ATAD5: variants seen among roughly 807,000 people sequenced by gnomAD.
ATAD5 encodes the protein ATPase family AAA domain containing 5, also known as ATPase family AAA domain-containing protein 5.
ATAD5 carries 58 observed loss-of-function variants against 176.9 expected under a neutral mutation model. The ratio of observed to expected loss-of-function variants is 0.33; its 90% CI spans 0.27 to 0.41. ATAD5 has a LOEUF of 0.41. Ranked by LOEUF, ATAD5 falls within the 10% of genes least tolerant of loss-of-function variation. The pLI, the probability that ATAD5 is intolerant of heterozygous loss-of-function variation, is 1.00. For synonymous variants in ATAD5, 640 were observed against 712.6 expected (o/e 0.90, Z 1.62); for missense variants, 1,789 against 2,094.1 (o/e 0.85, Z 2.84).
At chr17:30,840,596 A>C (rs1291907254) in intron 3 of ATAD5, 21 bp from the exon 4 acceptor site, 2 of 1,426,048 alleles carry the variant, frequency 1.4e-6, no homozygotes, top group Admixed American at 2.4e-5. Context: ...ATGTAAATTA[A>C]TGTTTCAATT....
Position 30,878,107 on chromosome 17 carries a change from A to G in ATAD5, c.4012+11A>G, listed in dbSNP as rs759495522. On this transcript the variant is annotated intron_variant, in intron 17 of 22. Transcript: ENST00000321990. The stretch of plus-strand genomic sequence containing the variant: ...TCCTTACTACAAGTGGTAGGTAACA[A>G]TGATTTTACTTCAGTTAAACAGTTA... 4.5e-6 allele frequency: 7 copies of G among 1,567,344 alleles called. No individual in the cohort carries two copies. In the African/African-American group the frequency reaches 5.4e-5, roughly 12 times the overall value.
chr17:30,879,411 G>C lies in ATAD5; in HGVS notation c.4013-12G>C. 1 of 1,599,448 alleles carries C rather than the reference G, an allele frequency of 6.3e-7. No homozygotes were observed. The highest frequency in any genetic ancestry group is 8.5e-7 in the Non-Finnish European group (1 of 1,174,668). ...AAGAATTTTTTTTTTTTGTGTGTGT[G>C]TGTGTGTGTAGACCCAACATTTAGT... is the stretch of plus-strand genomic sequence containing the variant. On this transcript the variant is annotated splice_polypyrimidine_tract_variant and intron_variant, in intron 17 of 22. Transcript: ENST00000321990.
Position 30,834,762 on chromosome 17 carries a change from T to A in ATAD5, c.681T>A (p.Asn227Lys), listed in dbSNP as rs1905601482. 17 of 1,614,014 alleles carry A rather than the reference T, an allele frequency of 1.1e-5. No individual in the cohort carries two copies. The highest frequency in any genetic ancestry group is 1.3e-5 in the African/African-American group (1 of 75,032). ...SESLPLAEEL[N>K]LLKKDGKDTK... ...GCTTACCCTTGGCAGAGGAACTAAATTTGCTTAAAAAAGATGGTAAAGATA... is the reference window on the plus strand; with the variant it reads ...GCTTACCCTTGGCAGAGGAACTAAAATTGCTTAAAAAAGATGGTAAAGATA... Residue 227 changes from asparagine (N) to lysine (K), a missense_variant, in exon 2 of 23, where the codon AAT (asparagine) becomes AAA (lysine). This residue lies in a region of ATAD5 where 696 missense variants were observed against 712.5 expected (regional missense o/e 0.98). Coordinates refer to ENST00000321990, the MANE Select transcript of ATAD5 (RefSeq NM_024857.5).
At chr17:30,857,186 C>T in intron 8 of ATAD5, 74 bp downstream of exon 8, 1 of 1,465,516 alleles carries the variant, frequency 6.8e-7, no homozygotes, top group South Asian at 1.3e-5. Flanking sequence ...TTTTGGATAT[C>T]TACTCTTATA....
intron 8 of ATAD5, 64 bp from the exon 9 acceptor site, chr17:30,858,097 G>A: frequency 7.6e-7 from 1 of 1,322,536 alleles, no homozygotes; most frequent in Middle Eastern, 2.1e-4. Context: ...GTGGTTGGTA[G>A]TATTGTAATT....
chr17:30,832,519 G>C, intron 1 of ATAD5, 106 bp downstream of exon 1: 2 of 1,175,528 alleles, frequency 1.7e-6, no homozygotes, highest in South Asian at 4.3e-5. Context: ...GGAAAGGTGG[G>C]ACATTGTGAG....
rs758520362 is a variant in ATAD5 at position 30,834,210 on chromosome 17, A to C, written c.129A>C (p.Leu43Phe). ...TSTCKTITKY[L>F]SPLGKTRDRV... ...CCTGCAAAACAATTACAAAATATTT[A>C]TCACCACTAGGGAAGACTAGAGACA... Residue 43 changes from leucine (L) to phenylalanine (F), a missense_variant, in exon 2 of 23, where the codon TTA becomes TTC. Leu to Phe is a conservative substitution (Grantham distance 22). Around this residue, in one of 6 missense-constraint regions of ATAD5, gnomAD observed 696 missense variants for 712.5 expected, o/e 0.98. Coordinates refer to ENST00000321990, the MANE Select transcript of ATAD5 (RefSeq NM_024857.5). 5.0e-6 allele frequency: 8 copies of C among 1,596,394 alleles called. No homozygotes were observed. In the South Asian group the frequency reaches 9.2e-5, roughly 18 times the overall value.
chr17:30,840,494 G>A, intron 3 of ATAD5, 123 bp from the exon 4 acceptor site: 2 of 713,682 alleles, frequency 2.8e-6, no homozygotes, highest in Non-Finnish European at 4.1e-6. Flanking sequence ...AAGGCCCCTG[G>A]TAAGATTTGA....
At chr17:30,869,139 T>A in intron 12 of ATAD5, 109 bp from the exon 13 acceptor site, 1 of 1,334,888 alleles carries the variant, frequency 7.5e-7, no homozygotes, top group East Asian at 2.3e-5. Flanking sequence ...ATAAAGTAAT[T>A]TTTCAGCATC....
intron 3 of ATAD5, 68 bp from the exon 4 acceptor site, chr17:30,840,548 AT>A (rs1298625771): frequency 4.5e-6 from 5 of 1,107,120 alleles, no homozygotes; most frequent in Admixed American, 6.0e-5. Flanking sequence ...TTGTGATTGT[AT>A]TTTTTTCTAT....
At chr17:30,836,708 C>T (rs1905767452) in intron 2 of ATAD5, among the ~76,000 whole-genome samples, 1 of 152,070 alleles carries the variant, frequency 6.6e-6, no homozygotes, top group Non-Finnish European at 1.5e-5. Context: ...GCTGGGATTA[C>T]AGGTGCGTGC....
chr17:30,891,130 C>T (rs895305804), intron 19 of ATAD5, among the ~76,000 whole-genome samples: 4 of 152,288 alleles, frequency 2.6e-5, no homozygotes, highest in Middle Eastern at 3.4e-3. Flanking sequence ...TGCTGGGTCA[C>T]AAACGGTGTA....
chr17:30,849,959 T>G (rs1004414236), intron 6 of ATAD5, among the ~76,000 whole-genome samples: 1 of 152,068 alleles, frequency 6.6e-6, no homozygotes, highest in Non-Finnish European at 1.5e-5. Flanking sequence ...TGGGCACCAC[T>G]GTGGGACTCC....
intron 2 of ATAD5, among the ~76,000 whole-genome samples, chr17:30,836,521 C>T (rs1227872787): frequency 6.6e-6 from 1 of 151,556 alleles, no homozygotes; most frequent in African/African-American, 2.4e-5. Context: ...CTTTGTTTGC[C>T]ACATGTAATT....
chr17:30,873,561 A>G (rs909418077), intron 14 of ATAD5, among the ~76,000 whole-genome samples: 1 of 151,940 alleles, frequency 6.6e-6, no homozygotes, highest in Non-Finnish European at 1.5e-5. Context: ...CAGGTGATCC[A>G]TCTGCCTTGG....
At position 30,847,327 on chromosome 17, in the gene ATAD5, T is replaced by TAGAG. The variant is rs891308590; in HGVS notation, c.2450+2433_2450+2436dup. 4.2e-3 allele frequency among the ~76,000 whole-genome samples: 633 copies of TAGAG among 150,558 alleles called. 1 individual carries two copies. The highest frequency in any genetic ancestry group is 0.014 in the African/African-American group (582 of 40,944). On this transcript the variant is annotated intron_variant, in intron 6 of 22. Coordinates refer to ENST00000321990, the MANE Select transcript of ATAD5 (RefSeq NM_024857.5). ...ATATGAATATGCCGCTATATATATA[T>TAGAG]AGAGAGAGAGAGAGAGAGAGAGAGA...
rs1194106964 is a variant in ATAD5, at chr17:30,887,196, A to G, written c.4082A>G (p.Asn1361Ser). Reference protein sequence around the residue: ...EIKFSTPSLLNVASYLQMICL... With the variant: ...EIKFSTPSLLSVASYLQMICL... Reference sequence around the variant, plus strand: ...ATTTCTCTCTCTGTTTTGAAGCTAAATGTTGCCAGCTACCTACAAATGATT... The same window carrying G: ...ATTTCTCTCTCTGTTTTGAAGCTAAGTGTTGCCAGCTACCTACAAATGATT... The change falls in exon 19 of 23, where the codon AAT becomes AGT. Residue 1361 changes from asparagine (N) to serine (S), a missense_variant. This residue lies in a region of ATAD5 where 194 missense variants were observed against 270.1 expected (regional missense o/e 0.72). Coordinates refer to ENST00000321990, the MANE Select transcript of ATAD5 (RefSeq NM_024857.5). 2 of 1,577,652 alleles carry G rather than the reference A, an allele frequency of 1.3e-6. No individual in the cohort carries two copies. The highest frequency in any genetic ancestry group is 1.4e-5 in the African/African-American group (1 of 72,626).
At position 30,832,404 on chromosome 17, in the gene ATAD5, C is replaced by T. The variant is rs1567674981; in HGVS notation, c.57C>T (p.Cys19=). 1 of 1,562,042 alleles carries T rather than the reference C, an allele frequency of 6.4e-7. No individual in the cohort carries two copies. Among genetic ancestry groups the T allele is most frequent in the Non-Finnish European group, 8.7e-7 (1 of 1,153,074 alleles). The part of the protein sequence containing the change: ...AAAAPPPVKD[C]EIEPCKKRKK... ...CTGCTCCGCCTCCCGTGAAGGACTGCGAGATTGAGGTGAGGTTGAGTCGAG... is the reference window on the plus strand; with the variant it reads ...CTGCTCCGCCTCCCGTGAAGGACTGTGAGATTGAGGTGAGGTTGAGTCGAG... The change falls in exon 1 of 23, where the codon TGC becomes TGT. Residue 19 remains cysteine (C), a synonymous_variant. Transcript: ENST00000321990.
intron 4 of ATAD5, among the ~76,000 whole-genome samples, chr17:30,842,847 G>A (rs1321842289): frequency 5.3e-5 from 8 of 152,054 alleles, no homozygotes; most frequent in African/African-American, 1.9e-4. Flanking sequence ...GGGTTCAAGC[G>A]ATTCTCCTGC....
Sources: allele counts gnomAD v4.1 joint callset (sites outside exome capture counted in the v4.1 genomes callset), GRCh38; gene constraint gnomAD v4.1.1; regional missense constraint gnomAD v4.1.1; transcripts MANE v1.5; gene names NCBI Gene and HGNC (gene_info 2026-07-23, HGNC 2026-07-21).